Variants in TMEM196 observed in about 807,000 individuals in gnomAD.
The protein encoded by TMEM196 is transmembrane protein 196.
In TMEM196, 17 loss-of-function variants were observed where a neutral mutation model predicts 20.0. The observed-to-expected ratio is 0.85, with a 90% CI of 0.58 to 1.27. The LOEUF is 1.27. Ranked by LOEUF, TMEM196 falls within the 50% of genes most tolerant of loss-of-function variation. The pLI, the probability that TMEM196 is intolerant of heterozygous loss-of-function variation, is 0.00. For missense variants in TMEM196, 267 were observed against 223.0 expected, an observed-to-expected ratio of 1.20 and a Z score of -1.26; for synonymous variants, 113 against 88.9, an observed-to-expected ratio of 1.27 and a Z score of -1.52.
At chr7:19,748,502 G>A (rs1163703856) in intron 1 of TMEM196, among the ~76,000 whole-genome samples, 1 of 152,132 alleles carries the variant, frequency 6.6e-6, no homozygotes, top group East Asian at 1.9e-4. Flanking sequence ...TAAACGCAGT[G>A]TATACAGCTC....
intron 1 of TMEM196, among the ~76,000 whole-genome samples, chr7:19,736,653 G>A (rs1043450855): frequency 1.3e-4 from 19 of 151,524 alleles, no homozygotes; most frequent in South Asian, 8.3e-4. Flanking sequence ...TTTACCAATA[G>A]ACCTATTCAT....
intron 1 of TMEM196, among the ~76,000 whole-genome samples, chr7:19,739,173 G>A (rs1327737948): frequency 6.6e-6 from 1 of 152,088 alleles, no homozygotes; most frequent in East Asian, 1.9e-4. Context: ...AATTGCAAAG[G>A]TGGAAGTGAA....
At chr7:19,768,316 A>T (rs1191646266) in intron 1 of TMEM196, among the ~76,000 whole-genome samples, 1 of 152,092 alleles carries the variant, frequency 6.6e-6, no homozygotes, top group East Asian at 1.9e-4. Flanking sequence ...GATGGATGGA[A>T]TTTTAGCATA....
chr7:19,759,477 C>T (rs1941305724), intron 1 of TMEM196, among the ~76,000 whole-genome samples: 1 of 152,128 alleles, frequency 6.6e-6, no homozygotes, highest in South Asian at 2.1e-4. Flanking sequence ...TTACTAATTA[C>T]TCCCACACTG....
chr7:19,747,541 A>G (rs1212958378), intron 1 of TMEM196, among the ~76,000 whole-genome samples: 1 of 152,190 alleles, frequency 6.6e-6, no homozygotes. Context: ...ATGAACCTCT[A>G]TATTTCAGCT....
intron 1 of TMEM196, among the ~76,000 whole-genome samples, chr7:19,738,143 A>T (rs1420746243): frequency 6.6e-6 from 1 of 152,056 alleles, no homozygotes; most frequent in East Asian, 1.9e-4. Flanking sequence ...TATTTAACAA[A>T]GTTGTTTCCT....
At chr7:19,748,531 A>T (rs1458935317) in intron 1 of TMEM196, among the ~76,000 whole-genome samples, 1 of 152,198 alleles carries the variant, frequency 6.6e-6, no homozygotes, top group African/African-American at 2.4e-5. Flanking sequence ...CAGAAGCAGG[A>T]CACAAATCCA....
At chr7:19,739,381 A>G (rs1331640388) in intron 1 of TMEM196, among the ~76,000 whole-genome samples, 1 of 152,140 alleles carries the variant, frequency 6.6e-6, no homozygotes, top group Non-Finnish European at 1.5e-5. Context: ...AACATTAATG[A>G]AGAATATTAT....
chr7:19,747,062 C>T (rs1029502603), intron 1 of TMEM196, among the ~76,000 whole-genome samples: 2 of 151,430 alleles, frequency 1.3e-5, no homozygotes, highest in East Asian at 1.9e-4. Context: ...GAGACCATCC[C>T]GGCTAAAACG....
intron 1 of TMEM196, among the ~76,000 whole-genome samples, chr7:19,764,236 C>G (rs1785539020): frequency 6.6e-6 from 1 of 152,204 alleles, no homozygotes; most frequent in African/African-American, 2.4e-5. Context: ...GGCATTCTGC[C>G]TTGAAATTGA....
intron 1 of TMEM196, among the ~76,000 whole-genome samples, chr7:19,758,246 C>G (rs1233245119): frequency 6.6e-6 from 1 of 152,132 alleles, no homozygotes; most frequent in Non-Finnish European, 1.5e-5. Context: ...AAATTAGCTT[C>G]CATTTCTCAT....
intron 1 of TMEM196, among the ~76,000 whole-genome samples, chr7:19,729,705 C>G (rs916284573): frequency 6.6e-6 from 1 of 152,182 alleles, no homozygotes; most frequent in East Asian, 1.9e-4. Flanking sequence ...GAATTTAGAG[C>G]TTTGTTTCTC....
chr7:19,726,771 T>C (rs1032436498), intron 2 of TMEM196, among the ~76,000 whole-genome samples: 9 of 152,214 alleles, frequency 5.9e-5, no homozygotes, highest in Admixed American at 4.6e-4. Flanking sequence ...ATTTTCTTTT[T>C]GCATCTGGTC....
intron 1 of TMEM196, among the ~76,000 whole-genome samples, chr7:19,735,630 A>G (rs1382327643): frequency 6.6e-6 from 1 of 152,162 alleles, no homozygotes; most frequent in Non-Finnish European, 1.5e-5. Flanking sequence ...AAATTTTGGA[A>G]CCATGATTAC....
chr7:19,756,461 C>G (rs1785214904), intron 1 of TMEM196, among the ~76,000 whole-genome samples: 1 of 151,758 alleles, frequency 6.6e-6, no homozygotes, highest in South Asian at 2.1e-4. Context: ...AAATTATTTC[C>G]TCAACCAAGT....
chr7:19,729,351 A>G, intron 2 of TMEM196, 31 bp downstream of exon 2: 1 of 1,546,504 alleles, frequency 6.5e-7, no homozygotes, highest in Non-Finnish European at 8.7e-7. Context: ...CATACACCTC[A>G]ATGCACAATA....
intron 1 of TMEM196, among the ~76,000 whole-genome samples, chr7:19,741,395 A>C (rs1035828854): frequency 1.6e-4 from 25 of 152,306 alleles, no homozygotes; most frequent in Admixed American, 1.4e-3. Context: ...GTGTATTTAC[A>C]GTATCCATGG....
intron 1 of TMEM196, among the ~76,000 whole-genome samples, chr7:19,749,800 G>A (rs1256686138): frequency 1.3e-5 from 2 of 151,970 alleles, no homozygotes; most frequent in African/African-American, 4.8e-5. Flanking sequence ...ATTCTCCTAC[G>A]TATTGAGGCT....
At chr7:19,722,193 G>T in intron 4 of TMEM196, 59 bp from the exon 5 acceptor site, 1 of 1,436,970 alleles carries the variant, frequency 7.0e-7, no homozygotes. Flanking sequence ...CATTGTTTTG[G>T]TTAATGAGTT....
Sources: gnomAD v4.1 joint callset for allele counts (sites outside exome capture counted in the v4.1 genomes callset) on GRCh38, gnomAD v4.1.1 for gene constraint, MANE v1.5 for transcripts, NCBI Gene and HGNC (gene_info 2026-07-23, HGNC 2026-07-21) for gene names.